PDIA5: variants seen among roughly 807,000 people sequenced by gnomAD.
The protein encoded by PDIA5 is protein disulfide isomerase family A member 5.
Under a neutral mutation model 77.6 loss-of-function variants are expected in PDIA5, and 58 were observed. The observed-to-expected ratio is 0.75, with a 90% confidence interval of 0.61 to 0.93. The LOEUF (loss-of-function observed/expected upper bound fraction) is 0.93. Ranked by LOEUF, PDIA5 falls within the 40% of genes least tolerant of loss-of-function variation. PDIA5 has a pLI of 0.00. For missense variants in PDIA5, 630 were observed against 647.7 expected, an observed-to-expected ratio of 0.97 and a Z score of 0.30; for synonymous variants, 250 against 252.1, an observed-to-expected ratio of 0.99 and a Z score of 0.08.
At chr3:123,088,526 G>A (rs1934202642) in intron 1 of PDIA5, among the ~76,000 whole-genome samples, 1 of 152,162 alleles carries the variant, frequency 6.6e-6, no homozygotes, top group Admixed American at 6.5e-5. Context: ...ATATGGCATT[G>A]TGGTAACATG....
intron 3 of PDIA5, among the ~76,000 whole-genome samples, chr3:123,099,672 A>C (rs1022823840): frequency 6.6e-6 from 1 of 152,178 alleles, no homozygotes; most frequent in Non-Finnish European, 1.5e-5. Flanking sequence ...CCCCAGCTCT[A>C]CCAGCCAACT....
In PDIA5 at chr3:123,122,224, G is replaced by A. The variant is rs183039901; in HGVS notation, c.610-1842G>A. On this transcript the variant is annotated intron_variant, in intron 8 of 16. Coordinates refer to ENST00000316218, the MANE Select transcript of PDIA5 (RefSeq NM_006810.4). Reference sequence around the variant, plus strand: ...AAGTGATGTAATGAGCGAGGAGGACGTGTAAGATTAATCTGTGGTGAATGT... The same window carrying A: ...AAGTGATGTAATGAGCGAGGAGGACATGTAAGATTAATCTGTGGTGAATGT... 1.4e-3 allele frequency among the ~76,000 whole-genome samples: 215 copies of A among 152,280 alleles called. 1 individual carries two copies. Among genetic ancestry groups the A allele is most frequent in the East Asian group, 8.1e-3 (42 of 5,186 alleles).
intron 3 of PDIA5, among the ~76,000 whole-genome samples, chr3:123,100,099 A>G (rs1194621733): frequency 3.9e-5 from 6 of 152,234 alleles, no homozygotes; most frequent in Non-Finnish European, 8.8e-5. Flanking sequence ...GGTGGACGGT[A>G]GGTGGTCACA....
At chr3:123,106,288 G>C (rs541380368) in intron 5 of PDIA5, among the ~76,000 whole-genome samples, 6 of 152,332 alleles carry the variant, frequency 3.9e-5, no homozygotes, top group Admixed American at 2.0e-4. Context: ...ATCTGCTTAT[G>C]GGATGACAGT....
chr3:123,158,955 G>C (rs1206795548), intron 15 of PDIA5, among the ~76,000 whole-genome samples: 1 of 152,220 alleles, frequency 6.6e-6, no homozygotes. Context: ...CTCTTCTTCT[G>C]TGGAAAACGC....
intron 1 of PDIA5, among the ~76,000 whole-genome samples, chr3:123,073,383 T>C (rs1933776753): frequency 6.6e-6 from 1 of 152,164 alleles, no homozygotes; most frequent in African/African-American, 2.4e-5. Flanking sequence ...TGTAAGCAGC[T>C]GCGTTGGCAG....
intron 11 of PDIA5, among the ~76,000 whole-genome samples, chr3:123,131,355 G>A (rs1027843224): frequency 2.6e-5 from 4 of 151,858 alleles, no homozygotes; most frequent in African/African-American, 9.7e-5. Flanking sequence ...GGGAGGTAGA[G>A]GTTATAGTAA....
chr3:123,102,861 T>C, intron 5 of PDIA5, 65 bp downstream of exon 5: 1 of 1,087,242 alleles, frequency 9.2e-7, no homozygotes, highest in Non-Finnish European at 1.4e-6. Flanking sequence ...GTCTGGCAGG[T>C]TTTCTCTCTG....
chr3:123,136,666 G>A (rs1258011362), intron 11 of PDIA5, among the ~76,000 whole-genome samples: 5 of 150,356 alleles, frequency 3.3e-5, no homozygotes, highest in African/African-American at 1.2e-4. Context: ...TTGAACCCGG[G>A]AGGCAGAGGT....
At chr3:123,089,583 A>G (rs1366327402) in intron 2 of PDIA5, among the ~76,000 whole-genome samples, 1 of 152,276 alleles carries the variant, frequency 6.6e-6, no homozygotes, top group Non-Finnish European at 1.5e-5. Flanking sequence ...GAAGTAGGAC[A>G]GAGGATCACA....
At chr3:123,158,639 G>A (rs780661507) in intron 15 of PDIA5, among the ~76,000 whole-genome samples, 2 of 152,190 alleles carry the variant, frequency 1.3e-5, no homozygotes, top group Non-Finnish European at 2.9e-5. Context: ...TCTGTCATTG[G>A]CCTTACGTCC....
intron 16 of PDIA5, 118 bp from the exon 17 acceptor site, chr3:123,161,762 A>T: frequency 2.7e-6 from 2 of 754,128 alleles, no homozygotes; most frequent in Non-Finnish European, 4.5e-6. Context: ...AAGTCTGCCC[A>T]CCTCTCCCTG....
chr3:123,141,754 C>T (rs1346074120), intron 11 of PDIA5, among the ~76,000 whole-genome samples: 1 of 152,080 alleles, frequency 6.6e-6, no homozygotes, highest in South Asian at 2.1e-4. Context: ...TAGTGAGAAG[C>T]AAAAAAATAA....
chr3:123,157,293 C>T (rs1428616071), intron 15 of PDIA5, among the ~76,000 whole-genome samples: 2 of 152,202 alleles, frequency 1.3e-5, no homozygotes, highest in Non-Finnish European at 2.9e-5. Context: ...ACTCTGTGCT[C>T]CAGGCATGGC....
Position 123,089,653 on chromosome 3 carries a change from C to T in PDIA5, c.169+359C>T, listed in dbSNP as rs115864742. On this transcript the variant is annotated intron_variant, in intron 2 of 16. Coordinates refer to ENST00000316218, the MANE Select transcript of PDIA5 (RefSeq NM_006810.4). ...TGCACAGGCATGGGGCCGAGCCCTGCCAGGGCATGCTTCACCAGAGCTGTT... is the reference window on the plus strand; with the variant it reads ...TGCACAGGCATGGGGCCGAGCCCTGTCAGGGCATGCTTCACCAGAGCTGTT... Among the ~76,000 whole-genome samples, 1,450 of 152,370 alleles carry T rather than the reference C, an allele frequency of 9.5e-3. 26 individuals carry two copies. Among genetic ancestry groups the T allele is most frequent in the African/African-American group, 0.033 (1,379 of 41,580 alleles).
Position 123,067,211 on chromosome 3 carries a change from GAC to G in PDIA5, c.42+6_42+7del, listed in dbSNP as rs1933589424. ...TGGCTGCTGCTGGCAATCTGGGTGA[GAC>G]TGTGGGGCAGGGATCCGGGCCGGGC... On this transcript the variant is annotated splice_donor_region_variant and intron_variant, in intron 1 of 16. Transcript: ENST00000316218. The G allele has an allele frequency of 2.4e-6, 3 of 1,247,078 alleles. No homozygotes were observed. The African/African-American group carries it at 4.7e-5, about 19-fold the overall frequency. The allele number at this position is 1,247,078 out of a possible 1,614,324, so 77.3% of individuals were successfully genotyped here. A position where few individuals can be genotyped will look rare whatever the true frequency, so the allele number is the denominator to read the frequency against.
At chr3:123,069,475 A>G (rs1933669324) in intron 1 of PDIA5, among the ~76,000 whole-genome samples, 1 of 152,196 alleles carries the variant, frequency 6.6e-6, no homozygotes, top group Admixed American at 6.5e-5. Flanking sequence ...CTGCTATAAG[A>G]AATATCCCAT....
At chr3:123,146,847 CACTT>C (rs1393295578) in intron 13 of PDIA5, among the ~76,000 whole-genome samples, 3 of 152,146 alleles carry the variant, frequency 2.0e-5, no homozygotes, top group East Asian at 3.8e-4. Context: ...GAGACAGTCT[CACTT>C]AGTCACCCAG....
In PDIA5 at chr3:123,124,370, G is replaced by A. The variant is rs373797053; in HGVS notation, c.773+27G>A. ...TAAGTGGGGTGTGTGTGTGTCAGTG[G>A]GCGTGGACCCAGAGGGCGGGGCATC... On this transcript the variant is annotated intron_variant, in intron 10 of 16. Transcript: ENST00000316218. 2,492 of 1,547,860 alleles carry A rather than the reference G, an allele frequency of 1.6e-3. 1 individual carries two copies. The highest frequency in any genetic ancestry group is 1.9e-3 in the Non-Finnish European group (2,136 of 1,119,040).
Sources: allele counts gnomAD v4.1 joint callset (sites outside exome capture counted in the v4.1 genomes callset), GRCh38; gene constraint gnomAD v4.1.1; transcripts MANE v1.5; gene names NCBI Gene and HGNC (gene_info 2026-07-23, HGNC 2026-07-21).